The following CCDC148 variants were observed in gnomAD, a reference collection of about 807,000 sequenced individuals.
The protein encoded by CCDC148 is coiled-coil domain containing 148, also known as coiled-coil domain-containing protein 148.
A neutral mutation model predicts 85.7 loss-of-function variants in CCDC148; 89 were observed. The ratio of observed to expected loss-of-function variants is 1.04; its 90% CI spans 0.87 to 1.24. CCDC148 has a LOEUF of 1.24. CCDC148 is among the 50% of genes most tolerant of loss of function. The pLI, the probability that CCDC148 is intolerant of heterozygous loss-of-function variation, is 0.00. For synonymous variants in CCDC148, 230 were observed against 213.9 expected, an observed-to-expected ratio of 1.08 and a Z score of -0.66; for missense variants, 692 against 671.7, an observed-to-expected ratio of 1.03 and a Z score of -0.33.
intron 1 of CCDC148, among the ~76,000 whole-genome samples, chr2:158,362,618 A>T (rs991544856): frequency 1.3e-5 from 2 of 152,236 alleles, no homozygotes; most frequent in African/African-American, 4.8e-5. Flanking sequence ...CTTTGAAACC[A>T]ATGAGAACAA....
intron 9 of CCDC148, among the ~76,000 whole-genome samples, chr2:158,278,414 C>A (rs1338730483): frequency 6.6e-6 from 1 of 152,208 alleles, no homozygotes; most frequent in African/African-American, 2.4e-5. Flanking sequence ...AATCGGGTCA[C>A]TCCCACCCTA....
rs147338371 is a variant in CCDC148 at position 158,318,876 on chromosome 2, CCTT to C, written c.765-4985_765-4983del. On this transcript the variant is annotated intron_variant, in intron 7 of 13. Coordinates refer to ENST00000283233, the MANE Select transcript of CCDC148 (RefSeq NM_138803.4). ...CCTTGAACTCCTGGATTCAAGCAGT[CCTT>C]CTGCCTTAGCCTCCCACAGAGCTGG... Among the ~76,000 whole-genome samples the C allele has an allele frequency of 8.1e-3, 1,231 of 151,926 alleles. 17 individuals carry two copies. Among genetic ancestry groups the C allele is most frequent in the African/African-American group, 0.028 (1,156 of 41,426 alleles).
intron 1 of CCDC148, among the ~76,000 whole-genome samples, chr2:158,410,108 A>T (rs909882260): frequency 6.6e-6 from 1 of 152,200 alleles, no homozygotes; most frequent in South Asian, 2.1e-4. Flanking sequence ...ACAGCCTAAT[A>T]CAATGACCTC....
intron 9 of CCDC148, among the ~76,000 whole-genome samples, chr2:158,271,071 G>GT (rs901649392): frequency 2.4e-4 from 36 of 152,138 alleles, no homozygotes; most frequent in African/African-American, 8.7e-4. Flanking sequence ...GCAAACATTT[G>GT]TAACATAGTG....
intron 2 of CCDC148, among the ~76,000 whole-genome samples, chr2:158,353,545 C>T (rs1012325489): frequency 1.3e-5 from 2 of 151,778 alleles, no homozygotes; most frequent in African/African-American, 2.4e-5. Flanking sequence ...AATATATATG[C>T]ACCCAATATA....
intron 1 of CCDC148, among the ~76,000 whole-genome samples, chr2:158,433,931 G>A (rs947267942): frequency 4.6e-5 from 7 of 152,208 alleles, no homozygotes; most frequent in Admixed American, 6.5e-5. Context: ...GGGGAGGGGC[G>A]TCCGCCATTG....
chr2:158,288,096 T>A (rs939964439), intron 9 of CCDC148, among the ~76,000 whole-genome samples: 3 of 152,178 alleles, frequency 2.0e-5, no homozygotes, highest in African/African-American at 7.2e-5. Context: ...CCCTTTTAGT[T>A]ATGGCTGTAG....
chr2:158,397,557 C>A (rs1314935044), intron 1 of CCDC148, among the ~76,000 whole-genome samples: 1 of 152,054 alleles, frequency 6.6e-6, no homozygotes, highest in Non-Finnish European at 1.5e-5. Context: ...GAAATAAAAT[C>A]CTTTATATAC....
intron 1 of CCDC148, among the ~76,000 whole-genome samples, chr2:158,436,124 G>A (rs1263371284): frequency 1.3e-5 from 2 of 152,218 alleles, no homozygotes; most frequent in African/African-American, 4.8e-5. Context: ...GCACCAGGCA[G>A]ACATAATAGA....
intron 1 of CCDC148, among the ~76,000 whole-genome samples, chr2:158,455,300 G>A (rs915992580): frequency 5.9e-5 from 9 of 151,976 alleles, no homozygotes; most frequent in Non-Finnish European, 1.3e-4. Flanking sequence ...TATTTAGGGG[G>A]AACATACACA....
At chr2:158,257,448 TTACC>T in intron 9 of CCDC148, among the ~76,000 whole-genome samples, 1 of 151,972 alleles carries the variant, frequency 6.6e-6, no homozygotes, top group South Asian at 2.1e-4. Context: ...TTTTTCAATA[TTACC>T]TACCTAAGCT....
intron 1 of CCDC148, among the ~76,000 whole-genome samples, chr2:158,382,446 G>A (rs1684912047): frequency 6.6e-6 from 1 of 152,080 alleles, no homozygotes; most frequent in African/African-American, 2.4e-5. Flanking sequence ...CCTGTCCAAT[G>A]GGAAATGTGT....
intron 9 of CCDC148, 106 bp from the exon 10 acceptor site, chr2:158,251,018 CAAAT>C: frequency 1.0e-6 from 1 of 999,094 alleles, no homozygotes; most frequent in Non-Finnish European, 1.4e-6. Context: ...ACTTTTTTTC[CAAAT>C]AAATGTTTAA....
intron 10 of CCDC148, among the ~76,000 whole-genome samples, chr2:158,241,730 C>T (rs7605042): frequency 0.047 from 7,134 of 152,104 alleles, 572 homozygotes; most frequent in African/African-American, 0.16. Context: ...GGAAAGGAGG[C>T]AAATGCCACA....
chr2:158,319,886 C>A (rs1184821859), intron 7 of CCDC148, among the ~76,000 whole-genome samples: 1 of 152,022 alleles, frequency 6.6e-6, no homozygotes, highest in Non-Finnish European at 1.5e-5. Context: ...TTTTTAAGAC[C>A]AGAAAAACCC....
In CCDC148 at chr2:158,212,942, T is replaced by G. The variant is rs189333403; in HGVS notation, c.1370+7653A>C. 3.2e-4 allele frequency among the ~76,000 whole-genome samples: 49 copies of G among 152,244 alleles called. 1 individual carries two copies. In the East Asian group the frequency reaches 8.7e-3, roughly 27 times the overall value. ...GGTCTCAAGAACCCAGTAGGTGACT[T>G]TGGGCCCATACTTGAGAAAGTGTAG... On this transcript the variant is annotated intron_variant, in intron 11 of 13. Coordinates refer to ENST00000283233, the MANE Select transcript of CCDC148 (RefSeq NM_138803.4).
intron 7 of CCDC148, among the ~76,000 whole-genome samples, chr2:158,333,608 A>T (rs760523632): frequency 5.9e-5 from 9 of 152,076 alleles, no homozygotes; most frequent in Admixed American, 6.6e-5. Flanking sequence ...TCTAATATTG[A>T]CAGTGGGGTG....
chr2:158,220,453 A>G lies in CCDC148; in HGVS notation c.1370+142T>C, dbSNP rs918206262. 1.5e-5 allele frequency: 9 copies of G among 613,596 alleles called. No individual in the cohort carries two copies. The African/African-American group carries it at 1.5e-4, about 11-fold the overall frequency. The allele number at this position is 613,596 out of a possible 1,614,324, so 38.0% of individuals were successfully genotyped here. On this transcript the variant is annotated intron_variant, in intron 11 of 13. Transcript: ENST00000283233. ...GAATTTAAAATGCATCATAGATATC[A>G]TTGTATTCATTTGTGAATATAAATA... is the stretch of plus-strand genomic sequence containing the variant.
rs1237689461 is a variant in CCDC148 at position 158,358,436 on chromosome 2, C to T, written c.147+13G>A. ...CTAAAACTAGAAAAACACATACACA[C>T]ACAACTTCTAACCTTTAGCTTTGCA... On this transcript the variant is annotated intron_variant, in intron 2 of 13. Coordinates refer to ENST00000283233, the MANE Select transcript of CCDC148 (RefSeq NM_138803.4). 12 of 1,598,836 alleles carry T rather than the reference C, an allele frequency of 7.5e-6. No individual in the cohort carries two copies. Among genetic ancestry groups the T allele is most frequent in the East Asian group, 2.3e-5 (1 of 44,068 alleles).
Sources: allele counts gnomAD v4.1 joint callset (sites outside exome capture counted in the v4.1 genomes callset), GRCh38; gene constraint gnomAD v4.1.1; transcripts MANE v1.5; gene names NCBI Gene and HGNC (gene_info 2026-07-23, HGNC 2026-07-21).